Variants in PBK observed in about 807,000 individuals in gnomAD.
The protein encoded by PBK is lymphokine-activated killer T-cell-originated protein kinase.
PBK carries 22 observed loss-of-function variants against 33.5 expected under a neutral mutation model. The observed-to-expected ratio is 0.66, with a 90% CI of 0.47 to 0.94. The LOEUF is 0.94. Among genes scored for constraint, PBK ranks in the 40% least tolerant of loss-of-function variants. The probability of loss-of-function intolerance (pLI) is 0.00; values close to 1 mark genes in which losing one functional copy is unlikely to be tolerated. For synonymous variants in PBK, 129 were observed against 123.8 expected, an observed-to-expected ratio of 1.04 and a Z score of -0.28; for missense variants, 376 against 383.4, an observed-to-expected ratio of 0.98 and a Z score of 0.16.
At chr8:27,835,596 G>T (rs526523) in intron 1 of PBK, among the ~76,000 whole-genome samples, 1 of 150,998 alleles carries the variant, frequency 6.6e-6, no homozygotes, top group Non-Finnish European at 1.5e-5. Context: ...TTGTTGCCCA[G>T]GCTGGGGTGC....
chr8:27,819,190 A>G (rs6988355), intron 6 of PBK, among the ~76,000 whole-genome samples: 23,952 of 152,166 alleles, frequency 0.16, 2,397 homozygotes, highest in East Asian at 0.37. Context: ...GTATCCTCAA[A>G]GAGGAACTTC....
chr8:27,820,479 G>C, intron 6 of PBK, 86 bp downstream of exon 6: 1 of 805,466 alleles, frequency 1.2e-6, no homozygotes, highest in Non-Finnish European at 2.0e-6. Context: ...AATAGTTTTT[G>C]ATTTTTGATC....
At chr8:27,823,393 A>G (rs3824095) in intron 3 of PBK, among the ~76,000 whole-genome samples, 188 bp from the exon 4 acceptor site, 65,903 of 151,724 alleles carry the variant, frequency 0.43, 14,473 homozygotes, top group Middle Eastern at 0.54. Flanking sequence ...CTAATATACT[A>G]AAACAAGTCT....
chr8:27,827,831 C>T (rs1251975118), intron 3 of PBK, among the ~76,000 whole-genome samples: 2 of 152,144 alleles, frequency 1.3e-5, no homozygotes, highest in East Asian at 3.9e-4. Context: ...AACCCTTTCC[C>T]CTGCCACTTC....
intron 5 of PBK, among the ~76,000 whole-genome samples, chr8:27,821,081 G>A (rs1805919033): frequency 6.6e-6 from 1 of 151,996 alleles, no homozygotes; most frequent in African/African-American, 2.4e-5. Context: ...GCCTGCCTCA[G>A]TCTCCCAAAG....
intron 6 of PBK, chr8:27,812,313 A>G (rs748952277): frequency 8.5e-5 from 13 of 152,136 alleles, no homozygotes; most frequent in Non-Finnish European, 1.0e-4. Flanking sequence ...ATCTATTGAG[A>G]TATGTAGTTT....
chr8:27,812,377 A>T (rs1211063093), intron 6 of PBK: 1 of 152,222 alleles, frequency 6.6e-6, no homozygotes, highest in Non-Finnish European at 1.5e-5. Flanking sequence ...AAACCCTAGA[A>T]GAAAACCTAG....
At position 27,823,085 on chromosome 8, in the gene PBK, G is replaced by A. The variant is rs772596385; in HGVS notation, c.273C>T (p.Ser91=). The A allele has an allele frequency of 3.1e-6, 5 of 1,593,458 alleles. No individual in the cohort carries two copies. In the Admixed American group the frequency reaches 6.8e-5, roughly 22 times the overall value. The change falls in exon 4 of 8, where the codon AGC becomes AGT. Residue 91 remains serine (S), a synonymous_variant. Transcript: ENST00000301905. ...TACCAACAATGTTTGGATGATGAAG[G>A]CTTTTCAAAATCTTAGCTTCATCCA... is the stretch of plus-strand genomic sequence containing the variant. ...RLMDEAKILK[S]LHHPNIVGYR...
At chr8:27,821,062 A>G (rs934996202) in intron 5 of PBK, among the ~76,000 whole-genome samples, 2 of 151,970 alleles carry the variant, frequency 1.3e-5, no homozygotes, top group Admixed American at 1.3e-4. Context: ...TCCTGGCTTC[A>G]AGTGATCCGC....
At chr8:27,835,063 A>G (rs1457412766) in intron 1 of PBK, among the ~76,000 whole-genome samples, 1 of 152,188 alleles carries the variant, frequency 6.6e-6, no homozygotes, top group African/African-American at 2.4e-5. Flanking sequence ...TTATAAAGCA[A>G]AACTGTTCCT....
At chr8:27,819,977 A>G (rs1805888331) in intron 6 of PBK, among the ~76,000 whole-genome samples, 1 of 152,170 alleles carries the variant, frequency 6.6e-6, no homozygotes, top group Non-Finnish European at 1.5e-5. Context: ...TTTATTAACC[A>G]TTTGTTTAAC....
At chr8:27,830,205 GAAAAAAAAAA>G (rs35191143) in intron 2 of PBK, among the ~76,000 whole-genome samples, 5 of 92,954 alleles carry the variant, frequency 5.4e-5, no homozygotes, top group Non-Finnish European at 8.9e-5. Context: ...TCTGTCTCAA[GAAAAAAAAAA>G]AAAAAAAAAA....
intron 6 of PBK, among the ~76,000 whole-genome samples, chr8:27,815,187 A>G (rs2128961873): frequency 6.7e-6 from 1 of 148,922 alleles, no homozygotes; most frequent in African/African-American, 2.5e-5. Context: ...CATTTAAAGA[A>G]CAAAAGGGAG....
intron 2 of PBK, among the ~76,000 whole-genome samples, chr8:27,829,759 C>T (rs557728251): frequency 1.8e-4 from 27 of 151,702 alleles, no homozygotes; most frequent in Non-Finnish European, 3.7e-4. Flanking sequence ...CCCAGCTACT[C>T]GGGAGGCTGA....
At chr8:27,833,457 C>T (rs111559028) in intron 1 of PBK, among the ~76,000 whole-genome samples, 14 of 151,064 alleles carry the variant, frequency 9.3e-5, no homozygotes, top group Admixed American at 2.0e-4. Flanking sequence ...TGCGGTGAGC[C>T]GAGATCGTGC....
chr8:27,810,303 C>T lies in PBK; in HGVS notation c.*2G>A. 1.2e-6 allele frequency: 2 copies of T among 1,600,436 alleles called. No individual in the cohort carries two copies. Among genetic ancestry groups the T allele is most frequent in the Non-Finnish European group, 1.7e-6 (2 of 1,168,342 alleles). ...CAAGCCACACTTCAGCTGAGATGATCACTAGACATCTGTTTCCAGAGCTTC... is the reference window on the plus strand; with the variant it reads ...CAAGCCACACTTCAGCTGAGATGATTACTAGACATCTGTTTCCAGAGCTTC... On this transcript the variant is annotated 3_prime_UTR_variant, in exon 8 of 8. Transcript: ENST00000301905.
In PBK at chr8:27,810,284, A is replaced by T; in HGVS notation, c.*21T>A. 1 of 1,539,520 alleles carries T rather than the reference A, an allele frequency of 6.5e-7. No homozygotes were observed. The highest frequency in any genetic ancestry group is 9.0e-7 in the Non-Finnish European group (1 of 1,116,382). ...GAATAAACAGTTATTTACGCAAGCC[A>T]CACTTCAGCTGAGATGATCACTAGA... is the stretch of plus-strand genomic sequence containing the variant. On this transcript the variant is annotated 3_prime_UTR_variant, in exon 8 of 8. Transcript: ENST00000301905.
At chr8:27,832,986 A>G (rs944854627) in intron 2 of PBK, 70 bp downstream of exon 2, 25 of 863,680 alleles carry the variant, frequency 2.9e-5, no homozygotes, top group Non-Finnish European at 4.2e-5. Flanking sequence ...GGATCAAACT[A>G]AATAATACTA....
chr8:27,822,870 G>A (rs1057273620), intron 4 of PBK, among the ~76,000 whole-genome samples, 193 bp downstream of exon 4: 2 of 152,026 alleles, frequency 1.3e-5, no homozygotes, highest in Non-Finnish European at 2.9e-5. Flanking sequence ...TTCTCATGAA[G>A]TTTATATACT....
Sources: allele counts gnomAD v4.1 joint callset (sites outside exome capture counted in the v4.1 genomes callset), GRCh38; gene constraint gnomAD v4.1.1; transcripts MANE v1.5; gene names NCBI Gene and HGNC (gene_info 2026-07-23, HGNC 2026-07-21).